PCNX1: variants seen among roughly 807,000 people sequenced by gnomAD.
PCNX1 encodes the protein pecanex-like protein 1.
A neutral mutation model predicts 242.2 loss-of-function variants in PCNX1; 78 were observed. The ratio of observed to expected loss-of-function variants is 0.32; its 90% CI spans 0.27 to 0.39. The LOEUF (loss-of-function observed/expected upper bound fraction) is 0.39. PCNX1 is among the 10% of genes least tolerant of loss of function. The probability of loss-of-function intolerance (pLI) is 1.00; values close to 1 mark genes in which losing one functional copy is unlikely to be tolerated. For missense variants in PCNX1, 2,581 were observed against 2,856.5 expected, an observed-to-expected ratio of 0.90 and a Z score of 2.20; for synonymous variants, 1,024 against 1,032.9, an observed-to-expected ratio of 0.99 and a Z score of 0.17.
intron 2 of PCNX1, among the ~76,000 whole-genome samples, chr14:70,955,641 G>T (rs1292701489): frequency 1.3e-5 from 2 of 152,120 alleles, no homozygotes; most frequent in Non-Finnish European, 2.9e-5. Flanking sequence ...ATTGCTTACT[G>T]CAGTAGACCA....
At chr14:70,932,801 G>A (rs901813660) in intron 1 of PCNX1, among the ~76,000 whole-genome samples, 139 of 151,804 alleles carry the variant, frequency 9.2e-4, no homozygotes, top group African/African-American at 2.6e-3. Flanking sequence ...TAGTAGAGAC[G>A]GGGTTTCACC....
intron 5 of PCNX1, among the ~76,000 whole-genome samples, chr14:70,972,406 A>T (rs1361373045): frequency 6.6e-6 from 1 of 152,184 alleles, no homozygotes; most frequent in African/African-American, 2.4e-5. Context: ...GTCAGTGGAT[A>T]AATAAAAACA....
intron 11 of PCNX1, among the ~76,000 whole-genome samples, chr14:71,017,625 T>G (rs1339323803): frequency 6.6e-6 from 1 of 152,132 alleles, no homozygotes; most frequent in Non-Finnish European, 1.5e-5. Context: ...AAAAACAAGA[T>G]CATTAAAACA....
intron 24 of PCNX1, 130 bp from the exon 25 acceptor site, chr14:71,055,374 A>T: frequency 1.7e-6 from 1 of 598,298 alleles, no homozygotes; most frequent in Non-Finnish European, 3.0e-6. Flanking sequence ...CTAATCACAG[A>T]TTTTTTCCAG....
intron 28 of PCNX1, among the ~76,000 whole-genome samples, chr14:71,081,576 T>C (rs1376705309): frequency 6.6e-6 from 1 of 152,190 alleles, no homozygotes; most frequent in Non-Finnish European, 1.5e-5. Context: ...GGGATTCGAC[T>C]TCTTCTTGGT....
intron 4 of PCNX1, 148 bp from the exon 5 acceptor site, chr14:70,968,873 A>G: frequency 7.1e-6 from 4 of 559,760 alleles, no homozygotes; most frequent in South Asian, 5.0e-5. Flanking sequence ...AGTTCAGTGC[A>G]TCTTCCATTA....
chr14:70,946,858 A>G (rs1566602322), intron 1 of PCNX1, 57 bp from the exon 2 acceptor site: 4 of 1,149,112 alleles, frequency 3.5e-6, no homozygotes, highest in Non-Finnish European at 5.1e-6. Flanking sequence ...GATTTATCTA[A>G]TTGAATACGA....
chr14:70,911,597 G>A (rs2055911634), intron 1 of PCNX1, among the ~76,000 whole-genome samples: 1 of 152,010 alleles, frequency 6.6e-6, no homozygotes, highest in Non-Finnish European at 1.5e-5. Flanking sequence ...TTTGTATGGT[G>A]GAAAGCAGAT....
At position 70,977,085 on chromosome 14, in the gene PCNX1, C is replaced by A. The variant is rs1209246742; in HGVS notation, c.748C>A (p.His250Asn). The change falls in exon 6 of 36, where the codon CAT becomes AAT. Residue 250 changes from histidine to asparagine, a missense_variant. Physicochemically the swap from His to Asn is moderately conservative, Grantham distance 68. Coordinates refer to ENST00000304743, the MANE Select transcript of PCNX1 (RefSeq NM_014982.3). ...CCTGCCAAGTCATAACCACCACCAC[C>A]ATGTTGATCAGTCTCTGTCCAGCGC... is the stretch of plus-strand genomic sequence containing the variant. ...VNLPSHNHHHHVDQSLSSACD... is the reference protein window; with the variant it reads ...VNLPSHNHHHNVDQSLSSACD... 3 of 1,614,036 alleles carry A rather than the reference C, an allele frequency of 1.9e-6. No individual in the cohort carries two copies. The highest frequency in any genetic ancestry group is 4.5e-5 in the East Asian group (2 of 44,880).
At position 71,057,736 on chromosome 14, in the gene PCNX1, A is replaced by T. The variant is rs2061219964; in HGVS notation, c.4852+12A>T. On this transcript the variant is annotated intron_variant, in intron 26 of 35. Transcript: ENST00000304743. The stretch of plus-strand genomic sequence containing the variant: ...ACTTGAATTCAGAGGTAAGACATTC[A>T]TTCACCTTTTATTTCTGTAGCATAC... 2 of 1,577,086 alleles carry T rather than the reference A, an allele frequency of 1.3e-6. No homozygotes were observed. Among genetic ancestry groups the T allele is most frequent in the South Asian group, 1.1e-5 (1 of 90,198 alleles).
Position 71,036,157 on chromosome 14 carries a change from G to A in PCNX1, c.3867G>A (p.Gln1289=). Residue 1289 remains glutamine, a splice_region_variant and synonymous_variant, in exon 19 of 36, where the codon CAG becomes CAA. Transcript: ENST00000304743. ...TAAGCACAGTCTTCACAGTATTGCA[G>A]GTAAGGAATCATTTTCTCCTTTTAT... The part of the protein sequence containing the change: ...IHVSTVFTVL[Q]PALKYVLYTL... 1 of 1,563,502 alleles carries A rather than the reference G, an allele frequency of 6.4e-7. No homozygotes were observed. The highest frequency in any genetic ancestry group is 8.8e-7 in the Non-Finnish European group (1 of 1,134,172).
intron 7 of PCNX1, among the ~76,000 whole-genome samples, chr14:70,994,260 G>C (rs1350892996): frequency 1.3e-5 from 2 of 151,704 alleles, no homozygotes; most frequent in Non-Finnish European, 2.9e-5. Flanking sequence ...GTAGCACTAG[G>C]TATGTTATGT....
At chr14:71,047,751 C>T in intron 21 of PCNX1, 56 bp from the exon 22 acceptor site, 1 of 1,373,552 alleles carries the variant, frequency 7.3e-7, no homozygotes, top group Non-Finnish European at 1.0e-6. Flanking sequence ...TTTTAAGTTA[C>T]TGTCTCTTCT....
At chr14:70,935,549 C>T (rs917874820) in intron 1 of PCNX1, among the ~76,000 whole-genome samples, 2 of 152,140 alleles carry the variant, frequency 1.3e-5, no homozygotes, top group Non-Finnish European at 2.9e-5. Context: ...GAGGCAGATC[C>T]TGTAGACCAT....
chr14:71,000,283 T>G (rs1219673848), intron 8 of PCNX1, among the ~76,000 whole-genome samples: 1 of 152,160 alleles, frequency 6.6e-6, no homozygotes, highest in African/African-American at 2.4e-5. Context: ...AAATACAAGT[T>G]GACAAATACT....
At chr14:71,088,452 T>C in intron 29 of PCNX1, 22 bp downstream of exon 29, 1 of 1,409,032 alleles carries the variant, frequency 7.1e-7, no homozygotes, top group Non-Finnish European at 1.0e-6. Context: ...ATTTCTGTTC[T>C]GAGGAAGAGA....
intron 30 of PCNX1, among the ~76,000 whole-genome samples, chr14:71,097,832 ACT>A (rs1466105901): frequency 6.6e-6 from 1 of 152,020 alleles, no homozygotes; most frequent in African/African-American, 2.4e-5. Context: ...TGCTTTTAGG[ACT>A]TAGTCATAAA....
chr14:70,927,832 C>T (rs1338671677), intron 1 of PCNX1, among the ~76,000 whole-genome samples: 1 of 152,120 alleles, frequency 6.6e-6, no homozygotes, highest in Non-Finnish European at 1.5e-5. Context: ...AAGTGATCCT[C>T]CCACCTTGGC....
chr14:70,946,160 A>G (rs951065572), intron 1 of PCNX1, among the ~76,000 whole-genome samples: 4 of 152,112 alleles, frequency 2.6e-5, no homozygotes, highest in Non-Finnish European at 2.9e-5. Flanking sequence ...GTGTTCTTTT[A>G]TTCTTTTTGT....
Sources: allele counts gnomAD v4.1 joint callset (sites outside exome capture counted in the v4.1 genomes callset), GRCh38; gene constraint gnomAD v4.1.1; transcripts MANE v1.5; gene names NCBI Gene and HGNC (gene_info 2026-07-23, HGNC 2026-07-21).